M1AP: variants seen among roughly 807,000 people sequenced by gnomAD.
M1AP encodes meiosis 1 associated protein, also known as meiosis 1 arrest protein.
A neutral mutation model predicts 51.2 loss-of-function variants in M1AP; 39 were observed. The ratio of observed to expected loss-of-function variants is 0.76; its 90% CI spans 0.59 to 1.00. The LOEUF (loss-of-function observed/expected upper bound fraction) is 1.00, where lower values mean the gene tolerates loss of function less well. Ranked by LOEUF, M1AP falls within the 50% of genes least tolerant of loss-of-function variation. The pLI is 0.00. For synonymous variants in M1AP, 251 were observed against 249.2 expected (o/e 1.01, Z -0.07); for missense variants, 545 against 641.2 (o/e 0.85, Z 1.62).
intron 1 of M1AP, 28 bp from the exon 2 acceptor site, chr2:74,640,355 G>A: frequency 6.5e-7 from 1 of 1,540,686 alleles, no homozygotes; most frequent in African/African-American, 1.4e-5. Context: ...GAAACCACTG[G>A]TTTTCAAACT....
At chr2:74,580,071 T>C (rs1194616457) in intron 5 of M1AP, among the ~76,000 whole-genome samples, 1 of 152,242 alleles carries the variant, frequency 6.6e-6, no homozygotes, top group African/African-American at 2.4e-5. Context: ...CCTCCCAGAA[T>C]GCTGGCATTA....
chr2:74,648,099 TC>T (rs1683711099), intron 1 of M1AP, 165 bp downstream of exon 1: 1 of 984,972 alleles, frequency 1.0e-6, no homozygotes, highest in African/African-American at 1.7e-5. Flanking sequence ...GACAGCGATT[TC>T]GGAGCCTCTC....
chr2:74,583,957 T>C (rs1679558297), intron 4 of M1AP, among the ~76,000 whole-genome samples: 1 of 152,220 alleles, frequency 6.6e-6, no homozygotes, highest in African/African-American at 2.4e-5. Flanking sequence ...GTTAACTAGT[T>C]AGTTATTTCA....
intron 2 of M1AP, among the ~76,000 whole-genome samples, chr2:74,624,123 T>C (rs939607147): frequency 2.6e-5 from 4 of 152,312 alleles, no homozygotes; most frequent in African/African-American, 9.6e-5. Flanking sequence ...GTTGGAGGGA[T>C]TGGTCACAAA....
At chr2:74,628,913 A>C in intron 2 of M1AP, 1 of 402,984 alleles carries the variant, frequency 2.5e-6, no homozygotes, top group South Asian at 2.3e-5. Context: ...AAACATCTGC[A>C]GTGTCATCAT....
intron 4 of M1AP, among the ~76,000 whole-genome samples, chr2:74,598,594 C>T (rs950750812): frequency 6.7e-6 from 1 of 149,416 alleles, no homozygotes; most frequent in South Asian, 2.1e-4. Context: ...ACCAAACATT[C>T]CTTGTAATAT....
Position 74,576,573 on chromosome 2 carries a change from AG to A in M1AP, c.814del (p.Leu272TyrfsTer10). The A allele has an allele frequency of 6.2e-7, 1 of 1,614,142 alleles. No individual in the cohort carries two copies. Among genetic ancestry groups the A allele is most frequent in the Middle Eastern group, 1.7e-4 (1 of 6,060 alleles). On this transcript the variant is annotated frameshift_variant, in exon 6 of 11. Transcript: ENST00000421985. LOFTEE classifies it high-confidence loss of function. ...DLQERLLCPS[L>X]LAGTADGSLR... ...GGAGCCGTCAGCTGTGCCAGCGAGT[AG>A]GGATGGGCAGAGCAGTCGCTCTTGG...
chr2:74,643,831 A>G (rs973643226), intron 1 of M1AP, among the ~76,000 whole-genome samples: 4 of 152,232 alleles, frequency 2.6e-5, no homozygotes, highest in Admixed American at 6.5e-5. Flanking sequence ...CCTGGGCTCA[A>G]GCAATCCTCC....
At chr2:74,586,464 A>C (rs2104610807) in intron 4 of M1AP, among the ~76,000 whole-genome samples, 1 of 152,242 alleles carries the variant, frequency 6.6e-6, no homozygotes, top group African/African-American at 2.4e-5. Flanking sequence ...TAGTGCTTTC[A>C]TTAATGTTAG....
Position 74,608,016 on chromosome 2 carries a change from T to C in M1AP, c.427-793A>G, listed in dbSNP as rs78296253. ...ATATACCCCTTGTCCCACATATACA[T>C]GGCCTCCCTCATTATCAGTATCTTC... On this transcript the variant is annotated intron_variant, in intron 3 of 10. Coordinates refer to ENST00000421985, the MANE Select transcript of M1AP (RefSeq NM_001321739.2). Among the ~76,000 whole-genome samples, 1,073 of 152,270 alleles carry C rather than the reference T, an allele frequency of 7.0e-3. 16 individuals carry two copies. Among genetic ancestry groups the C allele is most frequent in the African/African-American group, 0.025 (1,023 of 41,550 alleles).
chr2:74,619,947 C>T (rs1359484464), intron 2 of M1AP, among the ~76,000 whole-genome samples: 2 of 152,124 alleles, frequency 1.3e-5, no homozygotes, highest in African/African-American at 4.8e-5. Context: ...AAGGTTGTGA[C>T]CAGGAAACTC....
chr2:74,606,534 T>A (rs1681010859), intron 4 of M1AP, among the ~76,000 whole-genome samples: 3 of 152,002 alleles, frequency 2.0e-5, no homozygotes, highest in Admixed American at 2.0e-4. Context: ...ATTAGTTGTG[T>A]ATGTGTATAT....
At position 74,562,302 on chromosome 2, in the gene M1AP, G is replaced by A. The variant is rs771223238; in HGVS notation, c.1196C>T (p.Ala399Val). The A allele has an allele frequency of 2.6e-5, 42 of 1,614,208 alleles. No individual in the cohort carries two copies. In the East Asian group the frequency reaches 2.7e-4, roughly 10 times the overall value. Reference sequence around the variant, plus strand: ...CAGCATCAGTTCCCGCGTGGCCACCGCCTTTACCAGCAGTGTGAGGGAGTG... The same window carrying A: ...CAGCATCAGTTCCCGCGTGGCCACCACCTTTACCAGCAGTGTGAGGGAGTG... The part of the protein sequence containing the change: ...PSHSLTLLVK[A>V]VATRELMLPS... Residue 399 changes from alanine (A) to valine (V), a missense_variant, in exon 8 of 11, where the codon GCG (alanine) becomes GTG (valine). By Grantham distance (64) the Ala-to-Val change is moderately conservative (BLOSUM62 0). Coordinates refer to ENST00000421985, the MANE Select transcript of M1AP (RefSeq NM_001321739.2).
At chr2:74,563,219 T>C (rs979515333) in intron 7 of M1AP, among the ~76,000 whole-genome samples, 7 of 151,612 alleles carry the variant, frequency 4.6e-5, no homozygotes, top group Admixed American at 6.6e-5. Flanking sequence ...TACAAAAAAT[T>C]AAATAAATAA....
intron 2 of M1AP, among the ~76,000 whole-genome samples, chr2:74,632,519 C>T (rs1682762497): frequency 6.6e-6 from 1 of 152,116 alleles, no homozygotes. Flanking sequence ...GCCTTCCCTC[C>T]TTGCCCTCCC....
chr2:74,586,530 T>C (rs1451804477), intron 4 of M1AP, among the ~76,000 whole-genome samples: 1 of 152,204 alleles, frequency 6.6e-6, no homozygotes, highest in East Asian at 1.9e-4. Context: ...GTCCAAGAAG[T>C]TATGCTTAAC....
rs541917837 is a variant in M1AP, at chr2:74,557,899, T to C, written c.*817A>G. On this transcript the variant is annotated 3_prime_UTR_variant, in exon 11 of 11. Transcript: ENST00000421985. ...AGCACAGGGTGTTTTTTTAAAAGTTTTTATTATTTATGTAGAGATGGCGGG... is the reference window on the plus strand; with the variant it reads ...AGCACAGGGTGTTTTTTTAAAAGTTCTTATTATTTATGTAGAGATGGCGGG... 1 of 145,964 alleles carries C rather than the reference T, an allele frequency of 6.9e-6. No individual in the cohort carries two copies. Among genetic ancestry groups the C allele is most frequent in the Non-Finnish European group, 1.5e-5 (1 of 67,686 alleles). 9.0% of individuals were successfully genotyped at this position (145,964 alleles called of 1,614,324 possible). A position where few individuals can be genotyped will look rare whatever the true frequency, so the allele number is the denominator to read the frequency against.
At chr2:74,609,496 T>C (rs1390580151) in intron 3 of M1AP, among the ~76,000 whole-genome samples, 1 of 152,248 alleles carries the variant, frequency 6.6e-6, no homozygotes, top group Non-Finnish European at 1.5e-5. Flanking sequence ...TCTTGGCTAC[T>C]GTGCACAGTG....
Position 74,560,291 on chromosome 2 carries a change from T to G in M1AP, c.1282A>C (p.Ser428Arg), listed in dbSNP as rs1346993801. ...PHDDSLKNVE[S>R]MLDSLELEPT... Reference sequence around the variant, plus strand: ...TCCAGCTCCAGGCTGTCCAGCATGCTCTGAGGAAAAGAGAGGAGGGGCCTC... The same window carrying G: ...TCCAGCTCCAGGCTGTCCAGCATGCGCTGAGGAAAAGAGAGGAGGGGCCTC... Residue 428 changes from serine (S) to arginine (R), a missense_variant and splice_region_variant, in exon 9 of 11, where the codon AGC becomes CGC. Transcript: ENST00000421985. 1.9e-6 allele frequency: 3 copies of G among 1,590,512 alleles called. No homozygotes were observed. Among genetic ancestry groups the G allele is most frequent in the Non-Finnish European group, 2.6e-6 (3 of 1,170,564 alleles).
Sources: allele counts gnomAD v4.1 joint callset (sites outside exome capture counted in the v4.1 genomes callset), GRCh38; gene constraint gnomAD v4.1.1; transcripts MANE v1.5; gene names NCBI Gene and HGNC (gene_info 2026-07-23, HGNC 2026-07-21).